The following PRMT7 variants were observed in gnomAD, a reference collection of about 807,000 sequenced individuals.
The protein encoded by PRMT7 is protein arginine N-methyltransferase 7.
A neutral mutation model predicts 85.4 loss-of-function variants in PRMT7; 75 were observed. The ratio of observed to expected loss-of-function variants is 0.88; its 90% CI spans 0.73 to 1.06. PRMT7 has a LOEUF of 1.06. PRMT7 is among the 50% of genes least tolerant of loss of function. The pLI is 0.00. For synonymous variants in PRMT7, 397 were observed against 359.5 expected (o/e 1.10, Z -1.18); for missense variants, 868 against 915.2 (o/e 0.95, Z 0.67).
chr16:68,324,367 CT>C, intron 4 of PRMT7: 3 of 362,170 alleles, frequency 8.3e-6, no homozygotes, highest in South Asian at 7.9e-5. Context: ...GTCCTCCTAC[CT>C]TCCAGTCGCC....
At chr16:68,353,434 G>A (rs768650901) in intron 15 of PRMT7, 58 bp from the exon 16 acceptor site, 178 of 1,605,728 alleles carry the variant, frequency 1.1e-4, no homozygotes, top group Non-Finnish European at 1.5e-4. Context: ...TGTTCTTGCT[G>A]CCACGCTTCC....
At chr16:68,357,015 C>T (rs757991956) in intron 18 of PRMT7, 39 bp from the exon 19 acceptor site, 1 of 1,565,538 alleles carries the variant, frequency 6.4e-7, no homozygotes, top group Non-Finnish European at 8.7e-7. Flanking sequence ...GCTCAGGTGC[C>T]AGGGAGCCCT....
chr16:68,316,030 G>T lies in PRMT7; in HGVS notation c.51G>T (p.Trp17Cys). The change falls in exon 3 of 19, where the codon TGG becomes TGT. Residue 17 changes from tryptophan (W) to cysteine (C), a missense_variant. Coordinates refer to ENST00000441236, the MANE Select transcript of PRMT7 (RefSeq NM_019023.5). ...ATCCGACCACGGGGTCTGTGGAGTG[G>T]CTGGAGGAGGATGAACACTATGATT... The part of the protein sequence containing the change: ...RANPTTGSVE[W>C]LEEDEHYDYH... 1 of 1,613,730 alleles carries T rather than the reference G, an allele frequency of 6.2e-7. No homozygotes were observed. Among genetic ancestry groups the T allele is most frequent in the East Asian group, 2.2e-5 (1 of 44,888 alleles).
chr16:68,348,511 C>T, intron 14 of PRMT7, 80 bp downstream of exon 14: 1 of 1,178,090 alleles, frequency 8.5e-7, no homozygotes, highest in Middle Eastern at 2.1e-4. Flanking sequence ...AGGCCCCACC[C>T]TGTCCCTGGA....
rs2087531265 is a variant in PRMT7 at position 68,352,366 on chromosome 16, T to C, written c.1532T>C (p.Met511Thr). ...DQHLGPGAMVMPQAASLHAVV... is the reference protein window; with the variant it reads ...DQHLGPGAMVTPQAASLHAVV... ...CACCTGGGGCCAGGTGCCATGGTGA[T>C]GCCCCAGGCAGCCTCGCTGCACGCT... is the stretch of plus-strand genomic sequence containing the variant. Residue 511 changes from methionine (M) to threonine (T), a missense_variant, in exon 15 of 19, where the codon ATG (methionine) becomes ACG (threonine). Coordinates refer to ENST00000441236, the MANE Select transcript of PRMT7 (RefSeq NM_019023.5). 2 of 1,610,110 alleles carry C rather than the reference T, an allele frequency of 1.2e-6. No individual in the cohort carries two copies.
rs750137705 is a variant in PRMT7 at position 68,353,501 on chromosome 16, C to A, written c.1585C>A (p.Arg529=). Residue 529 remains arginine, a synonymous_variant, in exon 16 of 19, where the codon CGG becomes AGG. Coordinates refer to ENST00000441236, the MANE Select transcript of PRMT7 (RefSeq NM_019023.5). The stretch of plus-strand genomic sequence containing the variant: ...TGCTCCTTCCTCACAGGACCTGTGG[C>A]GGATCCGGAGCCCCTGTGGTGACTG... ...AVVVEFRDLW[R]IRSPCGDCEG... is the part of the protein sequence containing the mutation. 5 of 1,608,978 alleles carry A rather than the reference C, an allele frequency of 3.1e-6. No homozygotes were observed. In the South Asian group the frequency reaches 4.4e-5, roughly 14 times the overall value.
chr16:68,312,227 A>ATTTTTTTT (rs778218819), intron 2 of PRMT7, 51 bp downstream of exon 2: 4 of 88,278 alleles, frequency 4.5e-5, no homozygotes, highest in African/African-American at 1.7e-4. Context: ...ATATATATAT[A>ATTTTTTTT]TATTTTTTTT....
At chr16:68,350,509 A>G (rs72792221) in intron 14 of PRMT7, among the ~76,000 whole-genome samples, 5 of 152,222 alleles carry the variant, frequency 3.3e-5, no homozygotes, top group Non-Finnish European at 4.4e-5. Flanking sequence ...TATTTGCCCA[A>G]TGACTGATGA....
downstream of PRMT7, chr16:68,360,072 G>C (rs967286288): frequency 6.5e-6 from 1 of 153,220 alleles, no homozygotes; most frequent in Non-Finnish European, 1.5e-5. Flanking sequence ...TTGTGGCCTT[G>C]GTGTTGGCTG....
intron 17 of PRMT7, among the ~76,000 whole-genome samples, chr16:68,356,154 G>A (rs1845331674): frequency 6.6e-6 from 1 of 152,224 alleles, no homozygotes; most frequent in African/African-American, 2.4e-5. Context: ...AGGAAGATGG[G>A]AGCTTACTTC....
downstream of PRMT7, chr16:68,360,568 T>C (rs2089197104): frequency 6.5e-6 from 1 of 153,000 alleles, no homozygotes; most frequent in Admixed American, 6.5e-5. Context: ...TCTGTTTTTC[T>C]TTTTAAAATG....
At chr16:68,323,623 T>C (rs1280808285) in intron 4 of PRMT7, 1 of 152,222 alleles carries the variant, frequency 6.6e-6, no homozygotes, top group Non-Finnish European at 1.5e-5. Flanking sequence ...TATGAAAAAT[T>C]TTTTTTCTTC....
At chr16:68,325,747 C>T (rs1367724816) in intron 5 of PRMT7, among the ~76,000 whole-genome samples, 2 of 152,062 alleles carry the variant, frequency 1.3e-5, no homozygotes, top group African/African-American at 2.4e-5. Context: ...GCCGAGATTG[C>T]GCCACTGCAC....
In PRMT7 at chr16:68,358,525, G is replaced by A. The variant is rs1050964531; in HGVS notation, c.*1301G>A. The A allele has an allele frequency of 1.3e-5, 2 of 152,528 alleles. No homozygotes were observed. Among genetic ancestry groups the A allele is most frequent in the African/African-American group, 4.8e-5 (2 of 41,402 alleles). The allele number at this position is 152,528 out of a possible 1,614,324, so 9.4% of individuals were successfully genotyped here. On this transcript the variant is annotated 3_prime_UTR_variant, in exon 19 of 19. Coordinates refer to ENST00000441236, the MANE Select transcript of PRMT7 (RefSeq NM_019023.5). ...GTGCTTACCATAGAAAACCCCTAAT[G>A]TCCCATGAAGATACAATACAGAAAA...
At chr16:68,336,396 G>A (rs1439474177) in intron 6 of PRMT7, among the ~76,000 whole-genome samples, 1 of 152,258 alleles carries the variant, frequency 6.6e-6, no homozygotes, top group African/African-American at 2.4e-5. Flanking sequence ...GTGACAAGGC[G>A]CTTTCATTAA....
At position 68,352,309 on chromosome 16, in the gene PRMT7, A is replaced by G. The variant is rs1488156344; in HGVS notation, c.1475A>G (p.Tyr492Cys). 6.2e-6 allele frequency: 10 copies of G among 1,613,312 alleles called. No individual in the cohort carries two copies. The highest frequency in any genetic ancestry group is 8.5e-6 in the Non-Finnish European group (10 of 1,179,972). The part of the protein sequence containing the change: ...TTSLLPWHNL[Y>C]FWYVRTAVDQ... Reference sequence around the variant, plus strand: ...AGCCTGCTGCCGTGGCACAACCTCTACTTCTGGTACGTGCGGACCGCTGTG... The same window carrying G: ...AGCCTGCTGCCGTGGCACAACCTCTGCTTCTGGTACGTGCGGACCGCTGTG... Residue 492 changes from tyrosine to cysteine, a missense_variant, in exon 15 of 19, where the codon TAC becomes TGC. Tyr to Cys is a radical substitution (Grantham distance 194, BLOSUM62 -2). Transcript: ENST00000441236.
intron 3 of PRMT7, among the ~76,000 whole-genome samples, chr16:68,318,262 C>T (rs1027523988): frequency 2.5e-4 from 38 of 150,244 alleles, no homozygotes; most frequent in Non-Finnish European, 3.7e-4. Flanking sequence ...TGCAGTGGCA[C>T]GATCTCTGCT....
intron 3 of PRMT7, among the ~76,000 whole-genome samples, chr16:68,321,085 A>G (rs754632746): frequency 2.0e-5 from 3 of 152,178 alleles, no homozygotes; most frequent in Admixed American, 1.3e-4. Flanking sequence ...CCTGGCCAAC[A>G]TAGTGAAACC....
chr16:68,357,365 C>G lies in PRMT7; in HGVS notation c.*141C>G. ...TGGGAAAGACTGCGCCGTGTTGCAT[C>G]TTGTTGCATCTTTGCACTGCTGGCC... On this transcript the variant is annotated 3_prime_UTR_variant, in exon 19 of 19. Coordinates refer to ENST00000441236, the MANE Select transcript of PRMT7 (RefSeq NM_019023.5). 1.1e-6 allele frequency: 1 copy of G among 884,892 alleles called. No homozygotes were observed. The allele number at this position is 884,892 out of a possible 1,614,324, so 54.8% of individuals were successfully genotyped here.
Sources: allele counts gnomAD v4.1 joint callset (sites outside exome capture counted in the v4.1 genomes callset), GRCh38; gene constraint gnomAD v4.1.1; transcripts MANE v1.5; gene names NCBI Gene and HGNC (gene_info 2026-07-23, HGNC 2026-07-21).